TRDN: variants seen among roughly 807,000 people sequenced by gnomAD.
The protein encoded by TRDN is triadin in skeletal muscle.
TRDN carries 161 observed loss-of-function variants against 149.7 expected under a neutral mutation model. The ratio of observed to expected loss-of-function variants is 1.08; its 90% CI spans 0.95 to 1.23. The LOEUF (loss-of-function observed/expected upper bound fraction) is 1.23. Among genes scored for constraint, TRDN ranks in the 50% most tolerant of loss-of-function variants. The pLI, the probability that TRDN is intolerant of heterozygous loss-of-function variation, is 0.00. For synonymous variants in TRDN, 294 were observed against 250.5 expected (o/e 1.17, Z -1.64); for missense variants, 896 against 823.5 (o/e 1.09, Z -1.08).
chr6:123,230,735 G>A (rs1775569167), intron 38 of TRDN, among the ~76,000 whole-genome samples: 1 of 151,856 alleles, frequency 6.6e-6, no homozygotes, highest in South Asian at 2.1e-4. Flanking sequence ...ATTTTGTGAT[G>A]TAGGCTGTGT....
At position 123,233,605 on chromosome 6, in the gene TRDN, C is replaced by A. The variant is rs548711379; in HGVS notation, c.1976-9474G>T. Among the ~76,000 whole-genome samples the A allele has an allele frequency of 8.5e-5, 13 of 152,156 alleles. No individual in the cohort carries two copies. In the East Asian group the frequency reaches 2.1e-3, roughly 25 times the overall value. The stretch of plus-strand genomic sequence containing the variant: ...ATAATGAACAGTGACAAACGTTTCA[C>A]CAAATGCGCCTTATACACAACCTTT... On this transcript the variant is annotated intron_variant, in intron 38 of 40. Coordinates refer to ENST00000334268, the MANE Select transcript of TRDN (RefSeq NM_006073.4).
intron 24 of TRDN, among the ~76,000 whole-genome samples, chr6:123,314,656 T>C (rs1291292681): frequency 6.6e-6 from 1 of 152,058 alleles, no homozygotes; most frequent in African/African-American, 2.4e-5. Flanking sequence ...TGGAATATTA[T>C]GCAGTCATGA....
intron 33 of TRDN, among the ~76,000 whole-genome samples, chr6:123,262,130 C>T (rs991284215): frequency 2.6e-5 from 4 of 151,784 alleles, no homozygotes; most frequent in Non-Finnish European, 5.9e-5. Context: ...TTTAAGATGT[C>T]CAGGAAAGCC....
chr6:123,623,846 A>G (rs1298884281), intron 1 of TRDN, among the ~76,000 whole-genome samples: 1 of 152,086 alleles, frequency 6.6e-6, no homozygotes, highest in East Asian at 1.9e-4. Flanking sequence ...ATATCTCATC[A>G]GTTGATTTGC....
At chr6:123,488,764 C>T (rs1297590860) in intron 9 of TRDN, 2 of 147,686 alleles carry the variant, frequency 1.4e-5, no homozygotes, top group African/African-American at 2.5e-5. Flanking sequence ...ACCTCATTTG[C>T]AATTCCCTAT....
At chr6:123,440,067 CTTAAG>C (rs1264510644) in intron 10 of TRDN, among the ~76,000 whole-genome samples, 2 of 152,020 alleles carry the variant, frequency 1.3e-5, no homozygotes, top group South Asian at 4.1e-4. Flanking sequence ...AGAATGAATC[CTTAAG>C]TTGTCTACTA....
At chr6:123,366,753 G>A (rs530369981) in intron 19 of TRDN, among the ~76,000 whole-genome samples, 171 of 152,172 alleles carry the variant, frequency 1.1e-3, no homozygotes, top group Admixed American at 3.6e-3. Context: ...CCTGACCTCA[G>A]GTGATCCGCC....
At chr6:123,224,196 T>C in intron 38 of TRDN, 65 bp from the exon 39 acceptor site, 2 of 1,512,816 alleles carry the variant, frequency 1.3e-6, no homozygotes, top group Non-Finnish European at 1.8e-6. Flanking sequence ...GAGGAAGTAT[T>C]GTATTTAAAG....
chr6:123,369,991 C>T (rs989593939), intron 19 of TRDN, among the ~76,000 whole-genome samples: 1 of 152,156 alleles, frequency 6.6e-6, no homozygotes, highest in African/African-American at 2.4e-5. Context: ...AGAGCTGCTA[C>T]ACTCAATGTC....
At chr6:123,558,576 A>G (rs1172480079) in intron 2 of TRDN, among the ~76,000 whole-genome samples, 2 of 152,170 alleles carry the variant, frequency 1.3e-5, no homozygotes, top group Admixed American at 6.5e-5. Context: ...GTTTGGCAGC[A>G]ACCTTGAGAT....
chr6:123,441,490 T>A (rs944166925), intron 10 of TRDN, among the ~76,000 whole-genome samples: 1 of 152,202 alleles, frequency 6.6e-6, no homozygotes, highest in African/African-American at 2.4e-5. Flanking sequence ...GACAAAAGTA[T>A]AATAAGCCCT....
At chr6:123,369,583 C>G (rs1431866423) in intron 19 of TRDN, among the ~76,000 whole-genome samples, 1 of 152,132 alleles carries the variant, frequency 6.6e-6, no homozygotes, top group Non-Finnish European at 1.5e-5. Flanking sequence ...TTCTCATACT[C>G]TTAACAAAAG....
chr6:123,575,815 C>A (rs1782826042), intron 1 of TRDN, among the ~76,000 whole-genome samples: 1 of 152,012 alleles, frequency 6.6e-6, no homozygotes, highest in African/African-American at 2.4e-5. Context: ...CCTCATGATG[C>A]CTTATCGATC....
chr6:123,560,295 G>A (rs142187246), intron 2 of TRDN, among the ~76,000 whole-genome samples: 67 of 151,878 alleles, frequency 4.4e-4, no homozygotes, highest in East Asian at 3.1e-3. Context: ...GCCTTAACTC[G>A]GGCCCTCACT....
chr6:123,582,269 G>T (rs1783158675), intron 1 of TRDN, among the ~76,000 whole-genome samples: 1 of 152,106 alleles, frequency 6.6e-6, no homozygotes, highest in Non-Finnish European at 1.5e-5. Context: ...GTAAGAGTTA[G>T]TTTATTATCT....
Position 123,244,477 on chromosome 6 carries a change from G to T in TRDN, c.1975+7935C>A, listed in dbSNP as rs145257793. On this transcript the variant is annotated intron_variant, in intron 38 of 40. Transcript: ENST00000334268. ...CAAGTATCAATAGCCAAACTGATCAGAAGAAGAAAAGGTAACAGAGACTAA... is the reference window on the plus strand; with the variant it reads ...CAAGTATCAATAGCCAAACTGATCATAAGAAGAAAAGGTAACAGAGACTAA... Among the ~76,000 whole-genome samples, 75 of 152,132 alleles carry T rather than the reference G, an allele frequency of 4.9e-4. 1 individual carries two copies. The East Asian group carries it at 9.3e-3, about 19-fold the overall frequency.
chr6:123,373,066 A>G (rs1781379569), intron 19 of TRDN, among the ~76,000 whole-genome samples: 1 of 152,130 alleles, frequency 6.6e-6, no homozygotes, highest in African/African-American at 2.4e-5. Context: ...TTAGCATCGC[A>G]CCAGTAATCT....
rs546070764 is a variant in TRDN at position 123,326,876 on chromosome 6, A to G, written c.1471+5003T>C. On this transcript the variant is annotated intron_variant, in intron 23 of 40. Transcript: ENST00000334268. ...AATAAAATCTGCAGATTTTTAAAAT[A>G]TCAGTTATTTTTCTTTGTTCATTAT... Among the ~76,000 whole-genome samples the G allele has an allele frequency of 2.1e-4, 32 of 152,164 alleles. 1 individual carries two copies. The South Asian group carries it at 6.6e-3, about 32-fold the overall frequency.
chr6:123,369,789 A>T (rs1170187820), intron 19 of TRDN, among the ~76,000 whole-genome samples: 2 of 151,528 alleles, frequency 1.3e-5, no homozygotes, highest in Non-Finnish European at 2.9e-5. Flanking sequence ...ATCCTTCCAT[A>T]TTTTTTTCTG....
Sources: allele counts gnomAD v4.1 joint callset (sites outside exome capture counted in the v4.1 genomes callset), GRCh38; gene constraint gnomAD v4.1.1; transcripts MANE v1.5; gene names NCBI Gene and HGNC (gene_info 2026-07-23, HGNC 2026-07-21).